CD164L2: variants seen among roughly 807,000 people sequenced by gnomAD.
CD164L2 encodes the protein CD164 molecule like 2.
Under a neutral mutation model 23.9 loss-of-function variants are expected in CD164L2, and 21 were observed. That is an observed-to-expected ratio of 0.88 (90% CI 0.62 to 1.27). The LOEUF is 1.27. CD164L2 is among the 50% of genes most tolerant of loss of function. The pLI, the probability that CD164L2 is intolerant of heterozygous loss-of-function variation, is 0.00. For synonymous variants in CD164L2, 92 were observed against 90.2 expected, an observed-to-expected ratio of 1.02 and a Z score of -0.11; for missense variants, 230 against 224.8, an observed-to-expected ratio of 1.02 and a Z score of -0.15.
rs961524740 is a variant in CD164L2 at position 27,383,290 on chromosome 1, G to C, written c.-51C>G. On this transcript the variant is annotated 5_prime_UTR_variant, in exon 1 of 6. Transcript: ENST00000374030. ...GGGCGGTGGCCGGGATCGGTGGACA[G>C]CTGCCGGGCGCGTCCCTCCCAGACT... 2 of 1,198,938 alleles carry C rather than the reference G, an allele frequency of 1.7e-6. No homozygotes were observed. The highest frequency in any genetic ancestry group is 3.0e-5 in the African/African-American group (2 of 65,940). 74.3% of individuals were successfully genotyped at this position (1,198,938 alleles called of 1,614,324 possible).
At chr1:27,380,263 T>A in intron 4 of CD164L2, 68 bp from the exon 5 acceptor site, 1 of 1,468,072 alleles carries the variant, frequency 6.8e-7, no homozygotes, top group Admixed American at 1.9e-5. Flanking sequence ...CCTACCCTCA[T>A]AACTGGCACA....
Position 27,382,369 on chromosome 1 carries a change from T to C in CD164L2, c.287A>G (p.Lys96Arg), listed in dbSNP as rs765030275. The C allele has an allele frequency of 1.4e-5, 22 of 1,613,036 alleles. No individual in the cohort carries two copies. The highest frequency in any genetic ancestry group is 1.8e-5 in the Non-Finnish European group (21 of 1,179,408). ...GCGGTTGTAGATGGAGCAACCTTCC[T>C]TGACCACCTCAGATTGGGCCACACA... The part of the protein sequence containing the change: ...GHCVAQSEVV[K>R]EGCSIYNRSE... Residue 96 changes from lysine to arginine, a missense_variant, in exon 3 of 6, where the codon AAG becomes AGG. By Grantham distance (26) the Lys-to-Arg change is conservative. Coordinates refer to ENST00000374030, the MANE Select transcript of CD164L2 (RefSeq NM_001330448.1).
Position 27,383,299 on chromosome 1 carries a change from C to T in CD164L2, c.-60G>A. On this transcript the variant is annotated 5_prime_UTR_variant, in exon 1 of 6. Transcript: ENST00000374030. ...CCGGGATCGGTGGACAGCTGCCGGG[C>T]GCGTCCCTCCCAGACTGGGCTCGGC... The T allele has an allele frequency of 8.8e-7, 1 of 1,130,138 alleles. No homozygotes were observed. The allele number at this position is 1,130,138 out of a possible 1,614,324, so 70.0% of individuals were successfully genotyped here.
intron 4 of CD164L2, among the ~76,000 whole-genome samples, chr1:27,381,085 G>T (rs2016327314): frequency 6.6e-6 from 1 of 152,240 alleles, no homozygotes; most frequent in Non-Finnish European, 1.5e-5. Flanking sequence ...GGTGTAAGGG[G>T]TGGAAGGAGT....
Position 27,379,472 on chromosome 1 carries a change from C to T in CD164L2, c.*31G>A, listed in dbSNP as rs2016297818. 2.0e-6 allele frequency: 3 copies of T among 1,463,948 alleles called. No individual in the cohort carries two copies. In the African/African-American group the frequency reaches 4.2e-5, roughly 21 times the overall value. 90.7% of individuals were successfully genotyped at this position (1,463,948 alleles called of 1,614,324 possible). ...GAGGCCACCCTCTGCATCCTCCTTTCCCCTCAGGATGGAGTCCAGGCCCAA... is the reference window on the plus strand; with the variant it reads ...GAGGCCACCCTCTGCATCCTCCTTTTCCCTCAGGATGGAGTCCAGGCCCAA... On this transcript the variant is annotated 3_prime_UTR_variant, in exon 6 of 6. Transcript: ENST00000374030.
Position 27,383,317 on chromosome 1 carries a change from G to T in CD164L2, c.-78C>A. 1.0e-6 allele frequency: 1 copy of T among 955,118 alleles called. No individual in the cohort carries two copies. Among genetic ancestry groups the T allele is most frequent in the East Asian group, 2.7e-5 (1 of 36,656 alleles). 59.2% of individuals were successfully genotyped at this position (955,118 alleles called of 1,614,324 possible). A position where few individuals can be genotyped will look rare whatever the true frequency, so the allele number is the denominator to read the frequency against. On this transcript the variant is annotated 5_prime_UTR_variant, in exon 1 of 6. Transcript: ENST00000374030. ...TGCCGGGCGCGTCCCTCCCAGACTG[G>T]GCTCGGCTGAGCGTGTGCGGAGCGA...
rs1265801428 is a variant in CD164L2 at position 27,382,372 on chromosome 1, A to G, written c.284T>C (p.Val95Ala). The G allele has an allele frequency of 6.2e-6, 10 of 1,612,146 alleles. No homozygotes were observed. The highest frequency in any genetic ancestry group is 1.3e-5 in the African/African-American group (1 of 74,640). Reference sequence around the variant, plus strand: ...GTTGTAGATGGAGCAACCTTCCTTGACCACCTCAGATTGGGCCACACAGTG... The same window carrying G: ...GTTGTAGATGGAGCAACCTTCCTTGGCCACCTCAGATTGGGCCACACAGTG... ...PGHCVAQSEV[V>A]KEGCSIYNRS... Residue 95 changes from valine to alanine, a missense_variant, in exon 3 of 6, where the codon GTC becomes GCC. Transcript: ENST00000374030.
chr1:27,379,178 C>T lies in CD164L2; in HGVS notation c.*325G>A. The T allele has an allele frequency of 2.1e-6, 1 of 485,046 alleles. No individual in the cohort carries two copies. The highest frequency in any genetic ancestry group is 3.8e-6 in the Non-Finnish European group (1 of 265,224). 30.0% of individuals were successfully genotyped at this position (485,046 alleles called of 1,614,324 possible). The stretch of plus-strand genomic sequence containing the variant: ...AGCCCAAGACACAGGACATGAAGTG[C>T]AGTGCAGAGTTCCTTTATTTGGGGG... On this transcript the variant is annotated 3_prime_UTR_variant, in exon 6 of 6. Transcript: ENST00000374030.
chr1:27,379,630 GC>G (rs2016301523), intron 5 of CD164L2, 121 bp from the exon 6 acceptor site: 13 of 1,540,462 alleles, frequency 8.4e-6, no homozygotes, highest in East Asian at 2.5e-5. Context: ...GTGGCGACCC[GC>G]CCCACAGCAC....
chr1:27,382,514 C>A lies in CD164L2; in HGVS notation c.242G>T (p.Arg81Leu). 1.2e-6 allele frequency: 2 copies of A among 1,606,960 alleles called. No individual in the cohort carries two copies. The highest frequency in any genetic ancestry group is 1.1e-5 in the South Asian group (1 of 90,276). ...CAGCTCCATACCTGGCTCCTCTGGC[C>A]GGCACTGCTCCCACACGCAGCTGGA... ...NLSSCVWEQC[R>L]PEEPGHCVAQ... Residue 81 changes from arginine to leucine, a missense_variant, in exon 2 of 6, where the codon CGG becomes CTG. Coordinates refer to ENST00000374030, the MANE Select transcript of CD164L2 (RefSeq NM_001330448.1).
intron 4 of CD164L2, among the ~76,000 whole-genome samples, chr1:27,381,178 G>C (rs944203658): frequency 6.6e-6 from 1 of 152,240 alleles, no homozygotes. Flanking sequence ...AGGAGCAGAA[G>C]AGGGGAGAAA....
rs575551997 is a variant in CD164L2, at chr1:27,382,587, G to A, written c.169C>T (p.Leu57=). The A allele has an allele frequency of 2.5e-6, 4 of 1,613,536 alleles. No homozygotes were observed. The highest frequency in any genetic ancestry group is 1.1e-5 in the South Asian group (1 of 91,054). The part of the protein sequence containing the change: ...WPAVQGACKQ[L]EVCEHCVEGD... ...TCCACGCAGTGCTCACAGACCTCCA[G>A]CTGTTTGCAGGCCCCTTGGACCGCC... Residue 57 remains leucine (L), a synonymous_variant, in exon 2 of 6, where the codon CTG becomes TTG. Coordinates refer to ENST00000374030, the MANE Select transcript of CD164L2 (RefSeq NM_001330448.1).
intron 4 of CD164L2, 103 bp from the exon 5 acceptor site, chr1:27,380,298 A>C: frequency 9.3e-7 from 1 of 1,079,790 alleles, no homozygotes; most frequent in Non-Finnish European, 1.4e-6. Context: ...CCCGGTCCTC[A>C]ATATGGGGTG....
At position 27,379,215 on chromosome 1, in the gene CD164L2, C is replaced by T. The variant is rs964681652; in HGVS notation, c.*288G>A. On this transcript the variant is annotated 3_prime_UTR_variant, in exon 6 of 6. Transcript: ENST00000374030. ...CCTTTATTTGGGGGCAGTGCCCAGG[C>T]CAGTTGGTGGAAAGAGGCAGGCATA... 28 of 557,784 alleles carry T rather than the reference C, an allele frequency of 5.0e-5. No homozygotes were observed. Among genetic ancestry groups the T allele is most frequent in the Non-Finnish European group, 8.4e-5 (26 of 309,780 alleles). 34.6% of individuals were successfully genotyped at this position (557,784 alleles called of 1,614,324 possible).
chr1:27,380,195 C>T lies in CD164L2; in HGVS notation c.374G>A (p.Gly125Glu). 1 of 1,613,830 alleles carries T rather than the reference C, an allele frequency of 6.2e-7. No homozygotes were observed. Among genetic ancestry groups the T allele is most frequent in the East Asian group, 2.2e-5 (1 of 44,884 alleles). Residue 125 changes from glycine to glutamate, a missense_variant and splice_region_variant, in exon 5 of 6, where the codon GGG (glycine) becomes GAG (glutamate). By Grantham distance (98) the Gly-to-Glu change is moderately conservative. Transcript: ENST00000374030. The part of the protein sequence containing the change: ...PTYEPKTVTT[G>E]SPPVPEAHSP... ...GTGGGCCTCAGGGACTGGGGGGCTC[C>T]CTGCAGGGGTGAGGCAGGGCAGGGG...
At chr1:27,379,953 A>G (rs2016307294) in intron 5 of CD164L2, 98 bp downstream of exon 5, 1 of 1,551,620 alleles carries the variant, frequency 6.4e-7, no homozygotes, top group East Asian at 2.3e-5. Context: ...GGGCTTGCCC[A>G]TGGAGAAGAC....
At chr1:27,382,477 C>A in intron 2 of CD164L2, 23 bp downstream of exon 2, 1 of 1,587,202 alleles carries the variant, frequency 6.3e-7, no homozygotes, top group Non-Finnish European at 8.6e-7. Context: ...GGCACTCAAT[C>A]TGGGGAGGGC....
In CD164L2 at chr1:27,380,164, AGGGCTGT is replaced by A. The variant is rs752006574; in HGVS notation, c.398_404del (p.His133LeufsTer16). The A allele has an allele frequency of 1.2e-6, 2 of 1,614,112 alleles. No homozygotes were observed. Among genetic ancestry groups the A allele is most frequent in the East Asian group, 4.5e-5 (2 of 44,894 alleles). The stretch of plus-strand genomic sequence containing the variant: ...CGATAAAGCTGGCCCCGTCAAATCC[AGGGCTGT>A]GGGCCTCAGGGACTGGGGGGCTCCC... On this transcript the variant is annotated frameshift_variant, in exon 5 of 6. Coordinates refer to ENST00000374030, the MANE Select transcript of CD164L2 (RefSeq NM_001330448.1). LOFTEE classifies it high-confidence loss of function.
Position 27,383,132 on chromosome 1 carries a change from CA to C in CD164L2, c.88+19del. 1.9e-6 allele frequency: 3 copies of C among 1,539,574 alleles called. No individual in the cohort carries two copies. Among genetic ancestry groups the C allele is most frequent in the Non-Finnish European group, 2.6e-6 (3 of 1,138,614 alleles). ...CATCCGTCCCCGTCGAGCCCCTAGC[CA>C]GACCCTGCCGCGAGTTACCAGCCAC... On this transcript the variant is annotated intron_variant, in intron 1 of 5. Coordinates refer to ENST00000374030, the MANE Select transcript of CD164L2 (RefSeq NM_001330448.1).
Sources: allele counts gnomAD v4.1 joint callset (sites outside exome capture counted in the v4.1 genomes callset), GRCh38; gene constraint gnomAD v4.1.1; transcripts MANE v1.5; gene names NCBI Gene and HGNC (gene_info 2026-07-23, HGNC 2026-07-21).